NUP205: variants seen among roughly 807,000 people sequenced by gnomAD.
NUP205 encodes nuclear pore complex protein Nup205.
In NUP205, 76 loss-of-function variants were observed where a neutral mutation model predicts 253.8. The observed-to-expected ratio is 0.30, with a 90% CI of 0.25 to 0.36. The LOEUF (loss-of-function observed/expected upper bound fraction) is 0.36. NUP205 is among the 10% of genes least tolerant of loss of function. The probability of loss-of-function intolerance (pLI) is 1.00; values close to 1 mark genes in which losing one functional copy is unlikely to be tolerated. For synonymous variants in NUP205, 832 were observed against 850.1 expected (o/e 0.98, Z 0.37); for missense variants, 2,162 against 2,425.5 (o/e 0.89, Z 2.28).
At position 135,592,193 on chromosome 7, in the gene NUP205, T is replaced by C. The variant is rs183414611; in HGVS notation, c.1624+593T>C. Among the ~76,000 whole-genome samples, 3 of 152,222 alleles carry C rather than the reference T, an allele frequency of 2.0e-5. 1 individual carries two copies. The South Asian group carries it at 6.2e-4, about 31-fold the overall frequency. On this transcript the variant is annotated intron_variant, in intron 11 of 42. Coordinates refer to ENST00000285968, the MANE Select transcript of NUP205 (RefSeq NM_015135.3). ...GAAATCGGCTTGGCTCCAAAGCCAGTGTTCTGACTACTCTGTCAAGCCTGC... is the reference window on the plus strand; with the variant it reads ...GAAATCGGCTTGGCTCCAAAGCCAGCGTTCTGACTACTCTGTCAAGCCTGC...
chr7:135,626,704 TTATA>T (rs534596590), intron 33 of NUP205, among the ~76,000 whole-genome samples: 1 of 152,192 alleles, frequency 6.6e-6, no homozygotes, highest in Non-Finnish European at 1.5e-5. Context: ...GAATTTCAGA[TTATA>T]TATATATTTT....
intron 10 of NUP205, among the ~76,000 whole-genome samples, chr7:135,588,746 T>A (rs934999823): frequency 6.6e-6 from 1 of 151,270 alleles, no homozygotes. Context: ...GACAATCTTT[T>A]CAAGTTTGGG....
chr7:135,607,336 C>T lies in NUP205; in HGVS notation c.3160C>T (p.Arg1054Ter). ...AGGGAGAACAGGCCCAGTGGCGGTGCGAGAATCTCCTCAGCTGGCTGAGCT... is the reference window on the plus strand; with the variant it reads ...AGGGAGAACAGGCCCAGTGGCGGTGTGAGAATCTCCTCAGCTGGCTGAGCT... ...TEGRTGPVAV[R>*]ESPQLAELCY... Residue 1054 changes from arginine to a stop codon, truncating the protein, a stop_gained, in exon 22 of 43, where the codon CGA (arginine) becomes TGA (stop). Coordinates refer to ENST00000285968, the MANE Select transcript of NUP205 (RefSeq NM_015135.3). LOFTEE classifies it high-confidence loss of function. The T allele has an allele frequency of 6.2e-7, 1 of 1,613,892 alleles. No homozygotes were observed. Among genetic ancestry groups the T allele is most frequent in the Non-Finnish European group, 8.5e-7 (1 of 1,179,872 alleles).
intron 22 of NUP205, 142 bp downstream of exon 22, chr7:135,607,513 A>T (rs1794113169): frequency 1.1e-6 from 1 of 926,422 alleles, no homozygotes. Flanking sequence ...TCATTTGTGG[A>T]TAAAATCCGT....
rs377332733 is a variant in NUP205, at chr7:135,591,505, A to G, written c.1529A>G (p.Tyr510Cys). The G allele has an allele frequency of 1.2e-6, 2 of 1,614,026 alleles. No homozygotes were observed. The highest frequency in any genetic ancestry group is 1.7e-6 in the Non-Finnish European group (2 of 1,179,904). ...QMGDLLPPTI[Y>C]IPYLKMLQGL... is the part of the protein sequence containing the mutation. ...GGTGACCTGTTGCCTCCAACTATTT[A>G]TATTCCTTATTTGAAGATGCTCCAG... The change falls in exon 11 of 43, where the codon TAT becomes TGT. Residue 510 changes from tyrosine (Y) to cysteine (C), a missense_variant. By Grantham distance (194) the Tyr-to-Cys change is radical. This residue lies in a region of NUP205 where 892 missense variants were observed against 957.1 expected (regional missense o/e 0.93). Coordinates refer to ENST00000285968, the MANE Select transcript of NUP205 (RefSeq NM_015135.3).
chr7:135,578,871 G>C lies in NUP205; in HGVS notation c.998G>C (p.Trp333Ser). ...PGLQATVRLA[W>S]ALALRGISQL... ...CTCCAAGCCACTGTTAGACTTGCCT[G>C]GGCGCTGGCATTGAGGGGAATATCC... is the stretch of plus-strand genomic sequence containing the variant. The change falls in exon 7 of 43, where the codon TGG becomes TCG. Residue 333 changes from tryptophan to serine, a missense_variant. Physicochemically the swap from Trp to Ser is radical, Grantham distance 177. Coordinates refer to ENST00000285968, the MANE Select transcript of NUP205 (RefSeq NM_015135.3). The C allele has an allele frequency of 3.7e-6, 6 of 1,610,350 alleles. No individual in the cohort carries two copies. Among genetic ancestry groups the C allele is most frequent in the Non-Finnish European group, 5.1e-6 (6 of 1,178,920 alleles).
rs1794850453 is a variant in NUP205, at chr7:135,638,142, GCTCACGCCTATAAT to G, written c.5265+85_5265+98del. ...TAACAGATGTGGACCTGGTGCGGTG[GCTCACGCCTATAAT>G]CCCAGCACTTTGGGAGGCCAAGGCG... On this transcript the variant is annotated intron_variant, in intron 37 of 42. Transcript: ENST00000285968. The G allele has an allele frequency of 9.0e-6, 13 of 1,445,004 alleles. No homozygotes were observed. In the South Asian group the frequency reaches 1.7e-4, roughly 19 times the overall value. 89.5% of individuals were successfully genotyped at this position (1,445,004 alleles called of 1,614,324 possible).
rs747063310 is a variant in NUP205, at chr7:135,578,049, A to G, written c.877+25A>G. On this transcript the variant is annotated intron_variant, in intron 6 of 42. Coordinates refer to ENST00000285968, the MANE Select transcript of NUP205 (RefSeq NM_015135.3). ...GGTATTGAGTTTTATACATTTTCCTACATTAAAAAAATCAGATTTAAAATT... is the reference window on the plus strand; with the variant it reads ...GGTATTGAGTTTTATACATTTTCCTGCATTAAAAAAATCAGATTTAAAATT... The G allele has an allele frequency of 9.2e-6, 14 of 1,521,932 alleles. No individual in the cohort carries two copies. The South Asian group carries it at 1.5e-4, about 16-fold the overall frequency. The allele number at this position is 1,521,932 out of a possible 1,614,324, so 94.3% of individuals were successfully genotyped here.
At chr7:135,640,681 C>CT (rs1304330669) in intron 38 of NUP205, among the ~76,000 whole-genome samples, 4 of 152,060 alleles carry the variant, frequency 2.6e-5, no homozygotes, top group African/African-American at 4.8e-5. Flanking sequence ...TTAAGACAAA[C>CT]TAAGTCCTTA....
At chr7:135,559,076 C>G (rs1805510256) in intron 1 of NUP205, among the ~76,000 whole-genome samples, 5 of 152,176 alleles carry the variant, frequency 3.3e-5, no homozygotes, top group Admixed American at 3.3e-4. Context: ...GTTTATACAC[C>G]TTTGGAGTAG....
rs1401611726 is a variant in NUP205 at position 135,617,619 on chromosome 7, T to C, written c.3708T>C (p.Leu1236=). Residue 1236 remains leucine (L), a synonymous_variant, in exon 27 of 43, where the codon CTT becomes CTC. Coordinates refer to ENST00000285968, the MANE Select transcript of NUP205 (RefSeq NM_015135.3). ...TTATCCAGCTTCTTCATAGGGTTCT[T>C]GTAGCTGAAGTAAATGCCCTTCAGG... ...VCNVKLLHRV[L]VAEVNALQGM... 6 of 1,612,624 alleles carry C rather than the reference T, an allele frequency of 3.7e-6. No individual in the cohort carries two copies. Among genetic ancestry groups the C allele is most frequent in the Middle Eastern group, 1.6e-4 (1 of 6,082 alleles).
rs201319149 is a variant in NUP205, at chr7:135,617,222, G to A, written c.3665G>A (p.Arg1222Gln). ...VIANCEHKNLRGQTVCNVKLL... is the reference protein window; with the variant it reads ...VIANCEHKNLQGQTVCNVKLL... ...GCTAACTGTGAACACAAGAATTTACGGGGACAGACAGTCTGCAATGTCAAG... is the reference window on the plus strand; with the variant it reads ...GCTAACTGTGAACACAAGAATTTACAGGGACAGACAGTCTGCAATGTCAAG... Residue 1222 changes from arginine (R) to glutamine (Q), a missense_variant, in exon 26 of 43, where the codon CGG (arginine) becomes CAG (glutamine). Arg to Gln is a conservative substitution (Grantham distance 43, BLOSUM62 1). This residue lies in a region of NUP205 where 1,144 missense variants were observed against 1,280.9 expected (regional missense o/e 0.89). Transcript: ENST00000285968. The A allele has an allele frequency of 9.9e-6, 16 of 1,613,666 alleles. No homozygotes were observed. Among genetic ancestry groups the A allele is most frequent in the East Asian group, 6.7e-5 (3 of 44,868 alleles).
intron 22 of NUP205, among the ~76,000 whole-genome samples, chr7:135,611,989 G>A (rs1284040827): frequency 6.6e-6 from 1 of 151,862 alleles, no homozygotes; most frequent in Admixed American, 6.6e-5. Flanking sequence ...GTATGGTGGT[G>A]GGCACCTGTA....
intron 35 of NUP205, among the ~76,000 whole-genome samples, chr7:135,634,726 T>A (rs1278235622): frequency 6.6e-6 from 1 of 152,082 alleles, no homozygotes; most frequent in Non-Finnish European, 1.5e-5. Context: ...GGATAAGCTC[T>A]CGGGAAGCGG....
intron 31 of NUP205, 145 bp from the exon 32 acceptor site, chr7:135,625,019 A>T: frequency 2.9e-6 from 2 of 697,328 alleles, no homozygotes; most frequent in East Asian, 2.9e-5. Context: ...TCAAAAAAAA[A>T]TAAAAAGGAA....
At chr7:135,633,696 A>G (rs188463943) in intron 35 of NUP205, among the ~76,000 whole-genome samples, 20 of 151,984 alleles carry the variant, frequency 1.3e-4, no homozygotes, top group African/African-American at 4.6e-4. Context: ...TCCCACTTCA[A>G]CTTTCCAAAG....
chr7:135,602,603 G>C (rs535683180), intron 17 of NUP205, among the ~76,000 whole-genome samples: 8 of 152,312 alleles, frequency 5.3e-5, no homozygotes, highest in Non-Finnish European at 1.0e-4. Flanking sequence ...TTGCATAGAT[G>C]AATGGTTTTG....
chr7:135,646,327 C>CCT, intron 42 of NUP205, 96 bp downstream of exon 42: 1 of 882,402 alleles, frequency 1.1e-6, no homozygotes, highest in Non-Finnish European at 1.8e-6. Context: ...TTTTGGGAGG[C>CCT]CGAGACGGGA....
chr7:135,639,414 G>A (rs1310371149), intron 38 of NUP205, among the ~76,000 whole-genome samples: 2 of 152,178 alleles, frequency 1.3e-5, no homozygotes, highest in Non-Finnish European at 2.9e-5. Flanking sequence ...GTGGCCGGGT[G>A]TGTGGTTGCT....
Sources: gnomAD v4.1 joint callset for allele counts (sites outside exome capture counted in the v4.1 genomes callset) on GRCh38, gnomAD v4.1.1 for gene constraint, gnomAD v4.1.1 regional missense constraint, MANE v1.5 for transcripts, NCBI Gene and HGNC (gene_info 2026-07-23, HGNC 2026-07-21) for gene names.